Variants in OSBPL1A observed in about 807,000 individuals in gnomAD.
OSBPL1A encodes the protein oxysterol binding protein like 1A.
Under a neutral mutation model 137.1 loss-of-function variants are expected in OSBPL1A, and 80 were observed. The observed-to-expected ratio is 0.58, with a 90% confidence interval of 0.49 to 0.70. The LOEUF (loss-of-function observed/expected upper bound fraction) is 0.70. Ranked by LOEUF, OSBPL1A falls within the 30% of genes least tolerant of loss-of-function variation. The pLI is 0.00. For missense variants in OSBPL1A, 970 were observed against 1,129.4 expected (o/e 0.86, Z 2.02); for synonymous variants, 365 against 389.7 (o/e 0.94, Z 0.75).
At chr18:24,360,848 G>A (rs2091610582) in intron 4 of OSBPL1A, among the ~76,000 whole-genome samples, 1 of 152,084 alleles carries the variant, frequency 6.6e-6, no homozygotes, top group Non-Finnish European at 1.5e-5. Flanking sequence ...ATCCTCTCCA[G>A]GCCTGGATCC....
chr18:24,294,063 T>C (rs1311474343), intron 14 of OSBPL1A, among the ~76,000 whole-genome samples: 1 of 152,020 alleles, frequency 6.6e-6, no homozygotes, highest in Non-Finnish European at 1.5e-5. Context: ...TTTTTTTCAG[T>C]TTTATTTTCT....
At chr18:24,357,282 A>C (rs540832784) in intron 4 of OSBPL1A, 8 of 152,296 alleles carry the variant, frequency 5.3e-5, no homozygotes, top group African/African-American at 1.9e-4. Flanking sequence ...GTGGGAAAAG[A>C]TAGTCATGCC....
intron 5 of OSBPL1A, among the ~76,000 whole-genome samples, chr18:24,335,186 T>TA (rs1186129830): frequency 6.6e-6 from 1 of 152,232 alleles, no homozygotes; most frequent in Non-Finnish European, 1.5e-5. Flanking sequence ...CCACCTTGCC[T>TA]ATTTTTATAT....
At chr18:24,333,333 T>C (rs536814016) in intron 6 of OSBPL1A, among the ~76,000 whole-genome samples, 17 of 152,320 alleles carry the variant, frequency 1.1e-4, no homozygotes, top group Admixed American at 2.0e-4. Flanking sequence ...CACTCTGCAC[T>C]GTGCCAGCAC....
chr18:24,313,841 C>G (rs546545170), intron 12 of OSBPL1A, among the ~76,000 whole-genome samples: 1 of 152,208 alleles, frequency 6.6e-6, no homozygotes, highest in African/African-American at 2.4e-5. Flanking sequence ...GTGGCTCATG[C>G]CTGTAATCCC....
At chr18:24,208,713 C>T (rs2087444104) in intron 17 of OSBPL1A, among the ~76,000 whole-genome samples, 1 of 152,174 alleles carries the variant, frequency 6.6e-6, no homozygotes, top group African/African-American at 2.4e-5. Flanking sequence ...ACTTAGCACA[C>T]ATTGCTGAGA....
At chr18:24,210,645 C>T (rs981584628) in intron 17 of OSBPL1A, among the ~76,000 whole-genome samples, 1 of 151,776 alleles carries the variant, frequency 6.6e-6, no homozygotes, top group Non-Finnish European at 1.5e-5. Context: ...GGCAATCCTC[C>T]TGCTTCAGCC....
intron 21 of OSBPL1A, among the ~76,000 whole-genome samples, chr18:24,174,954 AT>A (rs1488550315): frequency 6.7e-6 from 1 of 150,182 alleles, no homozygotes; most frequent in African/African-American, 2.5e-5. Context: ...ATTTTACTTT[AT>A]TTTTTTAGAG....
intron 15 of OSBPL1A, among the ~76,000 whole-genome samples, chr18:24,263,471 A>G (rs946122060): frequency 1.3e-5 from 2 of 152,224 alleles, no homozygotes; most frequent in Non-Finnish European, 2.9e-5. Flanking sequence ...TAAAATATAT[A>G]GTTAGGATGA....
chr18:24,368,216 G>T, intron 3 of OSBPL1A, 71 bp downstream of exon 3: 1 of 1,255,452 alleles, frequency 8.0e-7, no homozygotes, highest in South Asian at 1.4e-5. Context: ...GCTTTTCTAA[G>T]ACTTTCATCT....
chr18:24,366,300 T>C (rs930643888), intron 4 of OSBPL1A: 1 of 152,126 alleles, frequency 6.6e-6, no homozygotes, highest in African/African-American at 2.4e-5. Context: ...AACCCTGTCC[T>C]TTCAGGTTTT....
rs1245366703 is a variant in OSBPL1A, at chr18:24,163,228, G to C, written c.2804C>G (p.Ser935Cys). 1 of 1,613,734 alleles carries C rather than the reference G, an allele frequency of 6.2e-7. No homozygotes were observed. The part of the protein sequence containing the change: ...PYNGAQDWIY[S>C]GSYWDRNYFN... ...GTAATTTCTGTCCCAGTAGCTGCCAGAGTAAATCCAGTCCTGTGCTCCATT... is the reference window on the plus strand; with the variant it reads ...GTAATTTCTGTCCCAGTAGCTGCCACAGTAAATCCAGTCCTGTGCTCCATT... The change falls in exon 28 of 28, where the codon TCT (serine) becomes TGT (cysteine). Residue 935 changes from serine to cysteine, a missense_variant. Around this residue, in one of 2 missense-constraint regions of OSBPL1A, gnomAD observed 323 missense variants for 456.8 expected, o/e 0.71. Transcript: ENST00000319481.
intron 17 of OSBPL1A, among the ~76,000 whole-genome samples, chr18:24,220,934 C>A (rs1180117150): frequency 6.6e-6 from 1 of 152,012 alleles, no homozygotes; most frequent in East Asian, 1.9e-4. Flanking sequence ...GCGTGTGCCA[C>A]CACGCTCAGC....
At chr18:24,393,896 G>T (rs1907547683) in intron 1 of OSBPL1A, among the ~76,000 whole-genome samples, 1 of 152,146 alleles carries the variant, frequency 6.6e-6, no homozygotes, top group Non-Finnish European at 1.5e-5. Context: ...TTTATTAACT[G>T]AAAAGAATAC....
chr18:24,262,966 T>C (rs2089477509), intron 15 of OSBPL1A, among the ~76,000 whole-genome samples: 1 of 152,168 alleles, frequency 6.6e-6, no homozygotes, highest in African/African-American at 2.4e-5. Context: ...CGCAGTTCTT[T>C]CCTTTTTACA....
intron 1 of OSBPL1A, among the ~76,000 whole-genome samples, chr18:24,382,183 G>A (rs1451398259): frequency 4.1e-5 from 6 of 148,050 alleles, no homozygotes; most frequent in South Asian, 4.3e-4. Flanking sequence ...AGTGGATCAC[G>A]AGGTCAGGAG....
intron 2 of OSBPL1A, 155 bp from the exon 3 acceptor site, chr18:24,368,527 G>T: frequency 1.7e-6 from 1 of 600,226 alleles, no homozygotes; most frequent in Non-Finnish European, 3.0e-6. Context: ...TGTAATGGGT[G>T]TAAAGGACGA....
At chr18:24,294,244 G>C (rs1025799931) in intron 14 of OSBPL1A, among the ~76,000 whole-genome samples, 1 of 150,388 alleles carries the variant, frequency 6.6e-6, no homozygotes, top group African/African-American at 2.5e-5. Context: ...TGGTGGTGTT[G>C]TTATTGAGAT....
intron 24 of OSBPL1A, among the ~76,000 whole-genome samples, chr18:24,169,409 A>C (rs2086219300): frequency 6.6e-6 from 1 of 152,172 alleles, no homozygotes; most frequent in Admixed American, 6.5e-5. Context: ...ATTTCTAATG[A>C]GCTCGCAGAT....
Sources: gnomAD v4.1 joint callset for allele counts (sites outside exome capture counted in the v4.1 genomes callset) on GRCh38, gnomAD v4.1.1 for gene constraint, gnomAD v4.1.1 regional missense constraint, MANE v1.5 for transcripts, NCBI Gene and HGNC (gene_info 2026-07-23, HGNC 2026-07-21) for gene names.